RNF213: variants seen among roughly 807,000 people sequenced by gnomAD.
RNF213 encodes the protein ring finger protein 213, also known as E3 ubiquitin-protein ligase RNF213.
Under a neutral mutation model 514.4 loss-of-function variants are expected in RNF213, and 341 were observed. The ratio of observed to expected loss-of-function variants is 0.66; its 90% confidence interval spans 0.61 to 0.73. RNF213 has a LOEUF of 0.73. RNF213 is among the 30% of genes least tolerant of loss of function. RNF213 has a pLI of 0.00. For synonymous variants in RNF213, 2,655 were observed against 2,658.2 expected, an observed-to-expected ratio of 1.00 and a Z score of 0.04; for missense variants, 5,767 against 6,615.6, an observed-to-expected ratio of 0.87 and a Z score of 4.45.
At position 80,395,717 on chromosome 17, in the gene RNF213, C is replaced by T. The variant is rs1004548455; in HGVS notation, c.*2219C>T. The T allele has an allele frequency of 1.3e-5, 2 of 152,212 alleles. No individual in the cohort carries two copies. Among genetic ancestry groups the T allele is most frequent in the African/African-American group, 4.8e-5 (2 of 41,446 alleles). 9.4% of individuals were successfully genotyped at this position (152,212 alleles called of 1,614,324 possible). Reference sequence around the variant, plus strand: ...GCGGGGTAAGAGATAAACAGTAACCCTTCCAGGAGCCCACTGACGTTGGAG... The same window carrying T: ...GCGGGGTAAGAGATAAACAGTAACCTTTCCAGGAGCCCACTGACGTTGGAG... On this transcript the variant is annotated 3_prime_UTR_variant, in exon 68 of 68. Transcript: ENST00000582970.
intron 64 of RNF213, 111 bp from the exon 65 acceptor site, chr17:80,389,062 T>C (rs890265475): frequency 1.4e-5 from 14 of 1,026,794 alleles, no homozygotes; most frequent in Admixed American, 3.5e-5. Context: ...TGTTAGAGAG[T>C]TGGCCCCCCG....
intron 3 of RNF213, among the ~76,000 whole-genome samples, chr17:80,274,640 T>A (rs1174345995): frequency 2.1e-3 from 2 of 958 alleles, no homozygotes; most frequent in East Asian, 0.031. Flanking sequence ...GTGGGGGGTG[T>A]GGGGTGAGTG....
chr17:80,354,134 T>C lies in RNF213; in HGVS notation c.10694T>C (p.Leu3565Pro), dbSNP rs769511478. 1.2e-6 allele frequency: 2 copies of C among 1,614,078 alleles called. No individual in the cohort carries two copies. The highest frequency in any genetic ancestry group is 1.7e-6 in the Non-Finnish European group (2 of 1,180,032). The change falls in exon 35 of 68, where the codon CTG (leucine) becomes CCG (proline). Residue 3565 changes from leucine to proline, a missense_variant. Physicochemically the swap from Leu to Pro is moderately conservative, Grantham distance 98 (BLOSUM62 -3). Transcript: ENST00000582970. The stretch of plus-strand genomic sequence containing the variant: ...AATATGCGGAGGGTGGTGCTCCTCC[T>C]GGGCCTCTTGAATGAGGATGACGCG... ...TRNMRRVVLLLGLLNEDDACH... is the reference protein window; with the variant it reads ...TRNMRRVVLLPGLLNEDDACH...
chr17:80,347,000 C>A lies in RNF213; in HGVS notation c.8665C>A (p.Leu2889Ile). The A allele has an allele frequency of 4.3e-6, 7 of 1,613,838 alleles. No individual in the cohort carries two copies. The highest frequency in any genetic ancestry group is 5.9e-6 in the Non-Finnish European group (7 of 1,179,890). Residue 2889 changes from leucine to isoleucine, a missense_variant, in exon 29 of 68, where the codon CTT (leucine) becomes ATT (isoleucine). Around this residue, in one of 13 missense-constraint regions of RNF213, gnomAD observed 919 missense variants for 1,121.0 expected, o/e 0.82. Transcript: ENST00000582970. This position sits in a 1 kb window ranked among gnomAD's most constrained non-coding sequence, Gnocchi z 8.1. ...VGFVGISNWA[L>I]DPAKMNRGIF... is the part of the protein sequence containing the mutation. ...CTTCGTGGGCATCTCCAACTGGGCCCTTGACCCTGCCAAGATGAACCGGGG... is the reference window on the plus strand; with the variant it reads ...CTTCGTGGGCATCTCCAACTGGGCCATTGACCCTGCCAAGATGAACCGGGG...
Position 80,263,659 on chromosome 17 carries a change from G to C in RNF213, c.-23G>C. ...GACTCCTGCTCTTGCTTCTGGATCT[G>C]CAGGGCAGTCCCAGCAGGACCCATG... On this transcript the variant is annotated 5_prime_UTR_variant, in exon 2 of 68. Transcript: ENST00000582970. This position sits in a 1 kb window ranked among gnomAD's most constrained non-coding sequence, Gnocchi z 4.9. 1 of 1,605,874 alleles carries C rather than the reference G, an allele frequency of 6.2e-7. No individual in the cohort carries two copies. Among genetic ancestry groups the C allele is most frequent in the Non-Finnish European group, 8.5e-7 (1 of 1,172,530 alleles).
rs780122122 is a variant in RNF213 at position 80,354,182 on chromosome 17, C to A, written c.10726+16C>A. 2 of 1,611,836 alleles carry A rather than the reference C, an allele frequency of 1.2e-6. No individual in the cohort carries two copies. The highest frequency in any genetic ancestry group is 2.7e-5 in the African/African-American group (2 of 74,876). Reference sequence around the variant, plus strand: ...GCGTGCCACGGTATGAGCCTCCCCACCCCTCTTGCCCCTGCCCCCACGTGG... The same window carrying A: ...GCGTGCCACGGTATGAGCCTCCCCAACCCTCTTGCCCCTGCCCCCACGTGG... On this transcript the variant is annotated intron_variant, in intron 35 of 67. Coordinates refer to ENST00000582970, the MANE Select transcript of RNF213 (RefSeq NM_001256071.3).
In RNF213 at chr17:80,273,388, C is replaced by G; in HGVS notation, c.245C>G (p.Ser82Cys). The G allele has an allele frequency of 6.2e-7, 1 of 1,612,834 alleles. No individual in the cohort carries two copies. The highest frequency in any genetic ancestry group is 8.5e-7 in the Non-Finnish European group (1 of 1,179,958). Residue 82 changes from serine (S) to cysteine (C), a missense_variant, in exon 3 of 68, where the codon TCC becomes TGC. By Grantham distance (112) the Ser-to-Cys change is moderately radical (BLOSUM62 -1). Transcript: ENST00000582970. ...CCCGAGGAGCCCTGTTCCAAAGCCTCCTGGACCGTCCAAGAAGTGAGTGCA... is the reference window on the plus strand; with the variant it reads ...CCCGAGGAGCCCTGTTCCAAAGCCTGCTGGACCGTCCAAGAAGTGAGTGCA... Reference protein sequence around the residue: ...ENPEEPCSKASWTVQESKKKK... With the variant: ...ENPEEPCSKACWTVQESKKKK...
At position 80,377,208 on chromosome 17, in the gene RNF213, T is replaced by C. The variant is rs986065393; in HGVS notation, c.13510+245T>C. 4 of 531,632 alleles carry C rather than the reference T, an allele frequency of 7.5e-6. No homozygotes were observed. The African/African-American group carries it at 7.6e-5, about 10-fold the overall frequency. The allele number at this position is 531,632 out of a possible 1,614,324, so 32.9% of individuals were successfully genotyped here. On this transcript the variant is annotated intron_variant, in intron 53 of 67. Coordinates refer to ENST00000582970, the MANE Select transcript of RNF213 (RefSeq NM_001256071.3). The surrounding 1 kb of genome is among the most constrained non-coding windows in gnomAD (Gnocchi z 4.1). ...GAAAAGGCCCTCTGTGATGCACTTC[T>C]GTTCTCTGGAATATGCCATTTTGGG...
Position 80,336,253 on chromosome 17 carries a change from G to A in RNF213, c.4402G>A (p.Ala1468Thr), listed in dbSNP as rs574116086. The change falls in exon 23 of 68, where the codon GCT (alanine) becomes ACT (threonine). Residue 1468 changes from alanine (A) to threonine (T), a missense_variant. Coordinates refer to ENST00000582970, the MANE Select transcript of RNF213 (RefSeq NM_001256071.3). The part of the protein sequence containing the change: ...DVDRVACFHD[A>T]VQGYASLLFK... ...GGACCGGGTGGCCTGCTTCCATGAC[G>A]CTGTGCAGGGCTACGCATCCCTGCT... 9 of 1,537,210 alleles carry A rather than the reference G, an allele frequency of 5.9e-6. No individual in the cohort carries two copies. The highest frequency in any genetic ancestry group is 1.4e-5 in the African/African-American group (1 of 73,156).
At position 80,273,267 on chromosome 17, in the gene RNF213, G is replaced by A; in HGVS notation, c.124G>A (p.Ala42Thr). The change falls in exon 3 of 68, where the codon GCG becomes ACG. Residue 42 changes from alanine (A) to threonine (T), a missense_variant. Transcript: ENST00000582970. ...ADSENNNSTM[A>T]SASEGEMECG... ...TTCTGAGAACAATAACTCCACAATG[G>A]CGTCGGCCTCGGAGGGTGAAATGGA... 3.1e-6 allele frequency: 5 copies of A among 1,613,614 alleles called. No individual in the cohort carries two copies. The highest frequency in any genetic ancestry group is 3.4e-6 in the Non-Finnish European group (4 of 1,179,970).
At chr17:80,373,420 C>T (rs1236357107) in intron 49 of RNF213, among the ~76,000 whole-genome samples, 2 of 151,866 alleles carry the variant, frequency 1.3e-5, no homozygotes, top group African/African-American at 4.8e-5. Context: ...AAACCTGCCG[C>T]TTGTCTGTCT....
At position 80,369,526 on chromosome 17, in the gene RNF213, C is replaced by G. The variant is rs765059046; in HGVS notation, c.12180C>G (p.Arg4060=). Residue 4060 remains arginine, a synonymous_variant, in exon 45 of 68, where the codon CGC becomes CGG. Transcript: ENST00000582970. ...GGGAAGCCATTGAAAAGCATGCCCGCTTCCGGCAGATGTGCAACAGTTTCT... is the reference window on the plus strand; with the variant it reads ...GGGAAGCCATTGAAAAGCATGCCCGGTTCCGGCAGATGTGCAACAGTTTCT... ...AHREAIEKHA[R]FRQMCNSFFV... The G allele has an allele frequency of 1.2e-6, 2 of 1,613,928 alleles. No homozygotes were observed. The highest frequency in any genetic ancestry group is 1.7e-6 in the Non-Finnish European group (2 of 1,180,042).
intron 13 of RNF213, 64 bp from the exon 14 acceptor site, chr17:80,308,954 G>T: frequency 6.2e-7 from 1 of 1,600,646 alleles, no homozygotes; most frequent in Non-Finnish European, 8.5e-7. Context: ...AGTCATCAAT[G>T]GTAACCATTT....
At position 80,306,281 on chromosome 17, in the gene RNF213, A is replaced by T. The variant is rs762275165; in HGVS notation, c.2240A>T (p.Lys747Met). 6.2e-7 allele frequency: 1 copy of T among 1,614,132 alleles called. No individual in the cohort carries two copies. Among genetic ancestry groups the T allele is most frequent in the Non-Finnish European group, 8.5e-7 (1 of 1,180,026 alleles). Residue 747 changes from lysine (K) to methionine (M), a missense_variant, in exon 12 of 68, where the codon AAG (lysine) becomes ATG (methionine). Physicochemically the swap from Lys to Met is moderately conservative, Grantham distance 95. Around this residue, in one of 13 missense-constraint regions of RNF213, gnomAD observed 592 missense variants for 673.9 expected, o/e 0.88. Coordinates refer to ENST00000582970, the MANE Select transcript of RNF213 (RefSeq NM_001256071.3). ...TSSLLQFMRE[K>M]QHLLSIDEPL... is the part of the protein sequence containing the mutation. The stretch of plus-strand genomic sequence containing the variant: ...TCCCTACTTCAGTTTATGAGAGAGA[A>T]GCAGCATTTGCTGAGCATAGACGAG...
chr17:80,354,283 G>GCAGTGACA (rs1297191274), intron 35 of RNF213, 117 bp downstream of exon 35: 1 of 1,495,736 alleles, frequency 6.7e-7, no homozygotes, highest in Non-Finnish European at 9.2e-7. Context: ...CTCAGCAGAA[G>GCAGTGACA]CAGTGACACA....
chr17:80,270,972 C>T (rs75921209), intron 2 of RNF213, among the ~76,000 whole-genome samples: 2,901 of 152,202 alleles, frequency 0.019, 58 homozygotes, highest in East Asian at 0.11. Context: ...TGGCAGAAAC[C>T]CCAGTAAGGG....
chr17:80,345,315 A>G lies in RNF213; in HGVS notation c.6980A>G (p.Asn2327Ser), dbSNP rs750618954. The G allele has an allele frequency of 6.1e-5, 98 of 1,613,958 alleles. No homozygotes were observed. The highest frequency in any genetic ancestry group is 8.1e-5 in the Non-Finnish European group (96 of 1,180,024). ...GGCTTCCATCTGCAGCCCAACATCA[A>G]CGGCAGTGTCGATGCCATCAGTCAC... ...FIGFHLQPNINGSVDAISHLT... is the reference protein window; with the variant it reads ...FIGFHLQPNISGSVDAISHLT... Residue 2327 changes from asparagine (N) to serine (S), a missense_variant, in exon 29 of 68, where the codon AAC becomes AGC. By Grantham distance (46) the Asn-to-Ser change is conservative. This residue lies in a region of RNF213 where 1,377 missense variants were observed against 1,635.2 expected (regional missense o/e 0.84). Transcript: ENST00000582970. This position sits in a 1 kb window ranked among gnomAD's most constrained non-coding sequence, Gnocchi z 6.0.
At chr17:80,326,389 A>G (rs2046282278) in intron 18 of RNF213, among the ~76,000 whole-genome samples, 1 of 152,220 alleles carries the variant, frequency 6.6e-6, no homozygotes, top group South Asian at 2.1e-4. Flanking sequence ...CCACCATCAC[A>G]CGGGCAGTAC....
intron 21 of RNF213, 102 bp from the exon 22 acceptor site, chr17:80,334,003 T>G: frequency 2.2e-6 from 3 of 1,356,038 alleles, no homozygotes; most frequent in South Asian, 1.3e-5. Context: ...AATCTAGGCA[T>G]TGAGGGAGGG....
Sources: allele counts gnomAD v4.1 joint callset (sites outside exome capture counted in the v4.1 genomes callset), GRCh38; gene constraint gnomAD v4.1.1; regional missense constraint gnomAD v4.1.1; non-coding constraint Gnocchi (gnomAD v3.1); transcripts MANE v1.5; gene names NCBI Gene and HGNC (gene_info 2026-07-23, HGNC 2026-07-21).